Variants in XPR1 observed in about 807,000 individuals in gnomAD.
XPR1 encodes solute carrier family 53 member 1.
Under a neutral mutation model 87.5 loss-of-function variants are expected in XPR1, and 28 were observed. The observed-to-expected ratio is 0.32, with a 90% CI of 0.24 to 0.44. The LOEUF (loss-of-function observed/expected upper bound fraction) is 0.44. Ranked by LOEUF, XPR1 falls within the 20% of genes least tolerant of loss-of-function variation. XPR1 has a pLI of 1.00. For missense variants in XPR1, 559 were observed against 862.3 expected (o/e 0.65, Z 4.41); for synonymous variants, 300 against 306.1 (o/e 0.98, Z 0.21).
chr1:180,751,893 A>G (rs1571799356), intron 2 of XPR1, among the ~76,000 whole-genome samples: 2 of 152,166 alleles, frequency 1.3e-5, no homozygotes, highest in South Asian at 4.1e-4. Flanking sequence ...CACATAGACT[A>G]TTGAAAATTG....
chr1:180,684,612 A>G (rs1408247356), intron 2 of XPR1, among the ~76,000 whole-genome samples: 2 of 152,006 alleles, frequency 1.3e-5, no homozygotes, highest in East Asian at 3.9e-4. Flanking sequence ...GATTCTTCCT[A>G]CCCATGAGCA....
intron 3 of XPR1, among the ~76,000 whole-genome samples, chr1:180,799,240 A>G (rs1649696618): frequency 6.6e-6 from 1 of 152,154 alleles, no homozygotes; most frequent in Non-Finnish European, 1.5e-5. Context: ...GGAAGCAAAA[A>G]TTATGTGAGT....
In XPR1 at chr1:180,675,993, C is replaced by T. The variant is rs546643609; in HGVS notation, c.70-6367C>T. ...AAGTAGTAAGAAGCAAAAAGAGTTC[C>T]GTATGATTTCAGTGAGATTTGTCTT... On this transcript the variant is annotated intron_variant, in intron 1 of 14. Transcript: ENST00000367590. Among the ~76,000 whole-genome samples the T allele has an allele frequency of 1.5e-4, 23 of 152,080 alleles. No homozygotes were observed. In the South Asian group the frequency reaches 4.0e-3, roughly 26 times the overall value.
At chr1:180,680,248 C>T (rs1328317646) in intron 1 of XPR1, among the ~76,000 whole-genome samples, 1 of 150,106 alleles carries the variant, frequency 6.7e-6, no homozygotes, top group East Asian at 2.0e-4. Flanking sequence ...AATAAAAATG[C>T]TAGTAAGGAT....
intron 2 of XPR1, among the ~76,000 whole-genome samples, chr1:180,726,267 G>A (rs957656369): frequency 6.6e-6 from 1 of 152,178 alleles, no homozygotes; most frequent in African/African-American, 2.4e-5. Flanking sequence ...GACGTGGGTG[G>A]GGACAAATAA....
intron 2 of XPR1, among the ~76,000 whole-genome samples, chr1:180,784,499 A>T (rs1649059733): frequency 6.6e-6 from 1 of 151,994 alleles, no homozygotes. Flanking sequence ...ATATATATTT[A>T]TGCTGCTTCT....
Position 180,853,075 on chromosome 1 carries a change from C to T in XPR1, c.1502-10633C>T, listed in dbSNP as rs1019280682. Among the ~76,000 whole-genome samples the T allele has an allele frequency of 3.9e-5, 6 of 152,176 alleles. No individual in the cohort carries two copies. In the East Asian group the frequency reaches 5.8e-4, roughly 15 times the overall value. On this transcript the variant is annotated intron_variant, in intron 11 of 14. Transcript: ENST00000367590. ...CCTCCCAAGTAGCTGGAATTACAGG[C>T]GCACACCAAGCCCAGTTAATTTTTG... is the stretch of plus-strand genomic sequence containing the variant.
At chr1:180,817,708 C>CA (rs1326044352) in intron 7 of XPR1, among the ~76,000 whole-genome samples, 1 of 152,010 alleles carries the variant, frequency 6.6e-6, no homozygotes, top group Non-Finnish European at 1.5e-5. Context: ...AAGCCAGACA[C>CA]AAAGAATACA....
At position 180,632,128 on chromosome 1, in the gene XPR1, A is replaced by G; in HGVS notation, c.-74A>G. On this transcript the variant is annotated 5_prime_UTR_variant, in exon 1 of 15. Transcript: ENST00000367590. ...GCGCCGCGCCGGGGCCCATGTGGGG[A>G]GGAGTCGGAGTCGCTGTTGCCGCCG... The G allele has an allele frequency of 6.5e-7, 1 of 1,528,446 alleles. No homozygotes were observed. The highest frequency in any genetic ancestry group is 8.9e-7 in the Non-Finnish European group (1 of 1,124,658). 94.7% of individuals were successfully genotyped at this position (1,528,446 alleles called of 1,614,324 possible).
chr1:180,687,040 G>A (rs529258627), intron 2 of XPR1, among the ~76,000 whole-genome samples: 2 of 151,864 alleles, frequency 1.3e-5, no homozygotes, highest in African/African-American at 2.4e-5. Flanking sequence ...TTTTCTGTTG[G>A]GTTATCTTTT....
At chr1:180,704,155 G>GAA (rs1657461026) in intron 2 of XPR1, among the ~76,000 whole-genome samples, 1 of 148,176 alleles carries the variant, frequency 6.7e-6, no homozygotes, top group African/African-American at 2.5e-5. Flanking sequence ...TTTATTTACA[G>GAA]TAAATTTGTA....
intron 2 of XPR1, among the ~76,000 whole-genome samples, chr1:180,691,899 G>A (rs1437501429): frequency 6.6e-6 from 1 of 152,076 alleles, no homozygotes; most frequent in Admixed American, 6.6e-5. Flanking sequence ...AGACTGAATT[G>A]CATTTCTAAA....
chr1:180,780,042 G>T (rs943405211), intron 2 of XPR1, among the ~76,000 whole-genome samples: 2 of 152,098 alleles, frequency 1.3e-5, no homozygotes, highest in African/African-American at 4.8e-5. Flanking sequence ...CAATTGTATG[G>T]ATATGCTACA....
intron 2 of XPR1, among the ~76,000 whole-genome samples, chr1:180,705,811 T>C (rs1192600396): frequency 6.6e-6 from 1 of 152,182 alleles, no homozygotes; most frequent in Non-Finnish European, 1.5e-5. Flanking sequence ...TTTTTAACAA[T>C]ACAAAAGTAA....
intron 1 of XPR1, among the ~76,000 whole-genome samples, chr1:180,668,663 A>T (rs1260854483): frequency 6.6e-6 from 1 of 152,156 alleles, no homozygotes; most frequent in Admixed American, 6.5e-5. Flanking sequence ...TCTTTGATCC[A>T]TGAGTTATTG....
Position 180,715,301 on chromosome 1 carries a change from G to A in XPR1, c.121+32890G>A, listed in dbSNP as rs548857664. Among the ~76,000 whole-genome samples the A allele has an allele frequency of 2.6e-5, 4 of 152,272 alleles. No individual in the cohort carries two copies. The South Asian group carries it at 8.3e-4, about 32-fold the overall frequency. On this transcript the variant is annotated intron_variant, in intron 2 of 14. Transcript: ENST00000367590. Reference sequence around the variant, plus strand: ...ATTTATTTATGAGCGTCACTCTGCTGGGTTTAGACACACTAGAATTCTGTT... The same window carrying A: ...ATTTATTTATGAGCGTCACTCTGCTAGGTTTAGACACACTAGAATTCTGTT...
intron 11 of XPR1, among the ~76,000 whole-genome samples, chr1:180,859,217 T>G (rs1343920392): frequency 6.6e-6 from 1 of 152,188 alleles, no homozygotes; most frequent in Non-Finnish European, 1.5e-5. Flanking sequence ...CATTGTCCCT[T>G]TAGTATTTTA....
chr1:180,654,926 T>G (rs1655405790), intron 1 of XPR1, among the ~76,000 whole-genome samples: 1 of 152,150 alleles, frequency 6.6e-6, no homozygotes, highest in Non-Finnish European at 1.5e-5. Context: ...TTCAGTACCT[T>G]TGGGTATATA....
intron 1 of XPR1, among the ~76,000 whole-genome samples, chr1:180,678,698 G>T (rs943748414): frequency 6.6e-6 from 1 of 152,020 alleles, no homozygotes; most frequent in South Asian, 2.1e-4. Context: ...AATTTCTGTT[G>T]TTTCATTGGA....
Sources: allele counts gnomAD v4.1 joint callset (sites outside exome capture counted in the v4.1 genomes callset), GRCh38; gene constraint gnomAD v4.1.1; transcripts MANE v1.5; gene names NCBI Gene and HGNC (gene_info 2026-07-23, HGNC 2026-07-21).